SCMH1: variants seen among roughly 807,000 people sequenced by gnomAD.
The protein encoded by SCMH1 is Scm polycomb group protein homolog 1, also known as polycomb protein SCMH1.
SCMH1 carries 37 observed loss-of-function variants against 70.8 expected under a neutral mutation model. That is an observed-to-expected ratio of 0.52 (90% CI 0.40 to 0.69). SCMH1 has a LOEUF of 0.69. Ranked by LOEUF, SCMH1 falls within the 30% of genes least tolerant of loss-of-function variation. SCMH1 has a pLI of 0.00. For synonymous variants in SCMH1, 292 were observed against 307.4 expected (o/e 0.95, Z 0.52); for missense variants, 607 against 827.3 (o/e 0.73, Z 3.27).
chr1:41,039,317 A>G (rs1292762993), intron 12 of SCMH1, among the ~76,000 whole-genome samples: 1 of 152,164 alleles, frequency 6.6e-6, no homozygotes, highest in African/African-American at 2.4e-5. Context: ...TCTGAGTTGA[A>G]GGGTCTGAAA....
chr1:41,205,521 C>A (rs982556442), intron 1 of SCMH1, among the ~76,000 whole-genome samples: 1 of 152,144 alleles, frequency 6.6e-6, no homozygotes, highest in Non-Finnish European at 1.5e-5. Flanking sequence ...TTTCCCACTG[C>A]ATCCTCGCGG....
intron 6 of SCMH1, among the ~76,000 whole-genome samples, chr1:41,120,088 G>A (rs1010624573): frequency 6.6e-6 from 1 of 152,090 alleles, no homozygotes; most frequent in Non-Finnish European, 1.5e-5. Context: ...TAGAGAAGTG[G>A]TCTATACACC....
At chr1:41,184,900 A>G (rs1488080022) in intron 2 of SCMH1, among the ~76,000 whole-genome samples, 1 of 152,182 alleles carries the variant, frequency 6.6e-6, no homozygotes, top group East Asian at 1.9e-4. Flanking sequence ...AGTAGCAACT[A>G]TCTATATCTT....
intron 1 of SCMH1, among the ~76,000 whole-genome samples, chr1:41,206,898 A>G (rs1250745741): frequency 6.6e-6 from 1 of 152,222 alleles, no homozygotes; most frequent in African/African-American, 2.4e-5. Context: ...ACATTCTTAA[A>G]GAAAAGAATT....
intron 1 of SCMH1, among the ~76,000 whole-genome samples, chr1:41,235,230 C>T (rs569732411): frequency 1.3e-4 from 20 of 151,946 alleles, no homozygotes; most frequent in African/African-American, 4.8e-4. Context: ...TATGATTCAC[C>T]CTAATATTAG....
intron 8 of SCMH1, among the ~76,000 whole-genome samples, chr1:41,090,003 G>A (rs1266314433): frequency 1.3e-5 from 2 of 151,394 alleles, no homozygotes; most frequent in African/African-American, 2.4e-5. Flanking sequence ...TGTTGGCCAG[G>A]CTAATCTCAA....
chr1:41,163,817 T>C (rs1280099326), intron 2 of SCMH1, among the ~76,000 whole-genome samples: 1 of 152,110 alleles, frequency 6.6e-6, no homozygotes, highest in Non-Finnish European at 1.5e-5. Context: ...ACTGCGGAAA[T>C]TATCATTAGA....
At chr1:41,219,570 A>T (rs947346901) in intron 1 of SCMH1, among the ~76,000 whole-genome samples, 1 of 152,240 alleles carries the variant, frequency 6.6e-6, no homozygotes. Flanking sequence ...GGGTTAAAAC[A>T]GAATACCATA....
chr1:41,042,818 C>T (rs10489521), intron 12 of SCMH1, among the ~76,000 whole-genome samples: 16,514 of 152,016 alleles, frequency 0.11, 1,278 homozygotes, highest in East Asian at 0.28. Flanking sequence ...AGTATAGAAT[C>T]GGGCACAGAG....
intron 1 of SCMH1, among the ~76,000 whole-genome samples, chr1:41,210,545 A>G (rs1656771497): frequency 6.6e-6 from 1 of 152,224 alleles, no homozygotes; most frequent in Non-Finnish European, 1.5e-5. Context: ...GGCCTCAGAA[A>G]TAAAACCACA....
chr1:41,077,055 T>G (rs1384464744), intron 8 of SCMH1, among the ~76,000 whole-genome samples: 1 of 151,970 alleles, frequency 6.6e-6, no homozygotes, highest in Non-Finnish European at 1.5e-5. Context: ...GGCCTCCAGG[T>G]AGGAAGTGAT....
intron 1 of SCMH1, among the ~76,000 whole-genome samples, chr1:41,241,682 C>G (rs1186408655): frequency 1.3e-5 from 2 of 151,992 alleles, no homozygotes; most frequent in Non-Finnish European, 2.9e-5. Flanking sequence ...CACCCGGCCC[C>G]GCCGGCCAGA....
chr1:41,058,169 T>C (rs745512724), intron 10 of SCMH1, among the ~76,000 whole-genome samples: 1 of 151,000 alleles, frequency 6.6e-6, no homozygotes, highest in Non-Finnish European at 1.5e-5. Flanking sequence ...ATGCCTTTCA[T>C]TGGCCCATTA....
At chr1:41,145,866 G>C (rs1644504155) in intron 5 of SCMH1, among the ~76,000 whole-genome samples, 1 of 152,108 alleles carries the variant, frequency 6.6e-6, no homozygotes, top group Non-Finnish European at 1.5e-5. Context: ...GCTGCCAGCT[G>C]TATAAAAGTA....
At chr1:41,185,589 A>G (rs1432984956) in intron 2 of SCMH1, among the ~76,000 whole-genome samples, 1 of 151,792 alleles carries the variant, frequency 6.6e-6, no homozygotes, top group African/African-American at 2.4e-5. Flanking sequence ...ATTAAATAAT[A>G]GTTTCCTTTC....
chr1:41,103,134 T>C (rs1020338540), intron 8 of SCMH1, among the ~76,000 whole-genome samples: 1 of 148,286 alleles, frequency 6.7e-6, no homozygotes, highest in Non-Finnish European at 1.5e-5. Flanking sequence ...GGAAGAAAAT[T>C]TTTTTTTTTT....
chr1:41,027,484 G>C (rs1012715410), exon 15 of SCMH1: 6 of 152,278 alleles, frequency 3.9e-5, no homozygotes, highest in Admixed American at 1.3e-4. Flanking sequence ...GGCTGCAAAA[G>C]GGCCCCGTGA....
At chr1:41,063,914 C>A (rs1258042422) in intron 10 of SCMH1, among the ~76,000 whole-genome samples, 3 of 152,160 alleles carry the variant, frequency 2.0e-5, no homozygotes, top group Admixed American at 1.3e-4. Context: ...TATACCAATT[C>A]TTCAAAATCT....
rs1652564547 is a variant in SCMH1, at chr1:41,194,692, T to C, written c.-117-8442A>G. ...ATTTATTAATTTACTGTGAGAAATA[T>C]AACCGCCTAAAATATTTACTGGTAC... On this transcript the variant is annotated intron_variant, in intron 1 of 14. Coordinates refer to ENST00000337495, the Ensembl canonical transcript of SCMH1. 3.3e-5 allele frequency among the ~76,000 whole-genome samples: 5 copies of C among 152,206 alleles called. No homozygotes were observed. The South Asian group carries it at 1.0e-3, about 32-fold the overall frequency.
Sources: gnomAD v4.1 joint callset for allele counts (sites outside exome capture counted in the v4.1 genomes callset) on GRCh38, gnomAD v4.1.1 for gene constraint, MANE v1.5 for transcripts, NCBI Gene and HGNC (gene_info 2026-07-23, HGNC 2026-07-21) for gene names.